The following SVIL variants were observed in gnomAD, a reference collection of about 807,000 sequenced individuals.
The protein encoded by SVIL is supervillin.
A neutral mutation model predicts 240.4 loss-of-function variants in SVIL; 101 were observed. That is an observed-to-expected ratio of 0.42 (90% CI 0.36 to 0.50). The LOEUF (loss-of-function observed/expected upper bound fraction) is 0.50, where lower values mean the gene tolerates loss of function less well. SVIL is among the 20% of genes least tolerant of loss of function. SVIL has a pLI of 0.01. For synonymous variants in SVIL, 999 were observed against 1,100.0 expected (o/e 0.91, Z 1.82); for missense variants, 2,512 against 2,818.7 (o/e 0.89, Z 2.46).
Position 29,481,608 on chromosome 10 carries a change from G to T in SVIL, c.5076C>A (p.Asn1692Lys), listed in dbSNP as rs200763094. The change falls in exon 28 of 38, where the codon AAC becomes AAA. Residue 1692 changes from asparagine (N) to lysine (K), a missense_variant. Asn to Lys is a moderately conservative substitution (Grantham distance 94, BLOSUM62 0). This residue lies in a region of SVIL where 797 missense variants were observed against 925.3 expected (regional missense o/e 0.86). Coordinates refer to ENST00000355867, the MANE Select transcript of SVIL (RefSeq NM_021738.3). ...CCTTGTGCTGGGCAAGTTCCCCGGG[G>T]TTCTTCTCATTCGATCTCTTCAGTT... ...WTELKRSNEK[N>K]PGELAQHKED... The T allele has an allele frequency of 4.3e-6, 7 of 1,614,028 alleles. No individual in the cohort carries two copies. Among genetic ancestry groups the T allele is most frequent in the Non-Finnish European group, 5.9e-6 (7 of 1,180,040 alleles).
At chr10:29,689,143 A>G (rs993852625) in intron 1 of SVIL, among the ~76,000 whole-genome samples, 1 of 152,214 alleles carries the variant, frequency 6.6e-6, no homozygotes, top group Non-Finnish European at 1.5e-5. Context: ...GAATGAGTAG[A>G]AGGGACCTTA....
intron 3 of SVIL, chr10:29,647,220 C>G (rs148210390): frequency 6.6e-6 from 1 of 152,218 alleles, no homozygotes; most frequent in Non-Finnish European, 1.5e-5. Flanking sequence ...CCAAAGCTCC[C>G]GATCTCCCAT....
chr10:29,607,561 T>A (rs1280919128), intron 1 of SVIL, among the ~76,000 whole-genome samples: 3 of 152,204 alleles, frequency 2.0e-5, no homozygotes, highest in Admixed American at 1.3e-4. Context: ...TTACATAGAT[T>A]TGACATGTTT....
intron 1 of SVIL, among the ~76,000 whole-genome samples, chr10:29,604,493 G>A (rs1302310351): frequency 6.6e-6 from 1 of 151,192 alleles, no homozygotes; most frequent in Non-Finnish European, 1.5e-5. Flanking sequence ...AAAGTGTTGG[G>A]ATTACAGGCG....
At chr10:29,713,344 C>T (rs983208836) in intron 1 of SVIL, among the ~76,000 whole-genome samples, 5 of 151,666 alleles carry the variant, frequency 3.3e-5, no homozygotes, top group Non-Finnish European at 5.9e-5. Context: ...ACATCAGAAA[C>T]GGCTGAGTGA....
Position 29,523,976 on chromosome 10 carries a change from A to T in SVIL, c.2638T>A (p.Ser880Thr). 6.2e-7 allele frequency: 1 copy of T among 1,614,224 alleles called. No homozygotes were observed. Among genetic ancestry groups the T allele is most frequent in the Non-Finnish European group, 8.5e-7 (1 of 1,180,036 alleles). The change falls in exon 15 of 38, where the codon TCT becomes ACT. Residue 880 changes from serine (S) to threonine (T), a missense_variant. Physicochemically the swap from Ser to Thr is moderately conservative, Grantham distance 58 (BLOSUM62 1). Transcript: ENST00000355867. ...PFSPAVNTSV[S>T]TVASTVAPMY... Reference sequence around the variant, plus strand: ...GGAGCAACCGTGGATGCTACGGTAGACACTGATGTGTTCACGGCAGGTGAG... The same window carrying T: ...GGAGCAACCGTGGATGCTACGGTAGTCACTGATGTGTTCACGGCAGGTGAG...
chr10:29,510,164 C>G (rs1949721990), intron 17 of SVIL, among the ~76,000 whole-genome samples: 1 of 152,184 alleles, frequency 6.6e-6, no homozygotes, highest in South Asian at 2.1e-4. Context: ...AGTGTTGGGA[C>G]TACAGGCACG....
At chr10:29,522,383 T>A (rs1950615759) in intron 16 of SVIL, 27 bp downstream of exon 16, 1 of 1,610,626 alleles carries the variant, frequency 6.2e-7, no homozygotes, top group Non-Finnish European at 8.5e-7. Context: ...CCGAGAGAAT[T>A]ACTTTTCGCT....
In SVIL at chr10:29,660,342, T is replaced by C. The variant is rs145942416; in HGVS notation, c.-300-2274A>G. 1.9e-3 allele frequency among the ~76,000 whole-genome samples: 286 copies of C among 151,822 alleles called. 1 individual carries two copies. The highest frequency in any genetic ancestry group is 0.013 in the Admixed American group (194 of 15,254). On this transcript the variant is annotated intron_variant, in intron 2 of 35. Coordinates refer to the SVIL transcript ENST00000375400. ...AAAAAATTAAAAAGGCAGGGTGGGG[T>C]GGCTCATACCTATTGTTCCAGCACT...
chr10:29,493,093 C>A, intron 21 of SVIL, 121 bp downstream of exon 21: 6 of 1,215,764 alleles, frequency 4.9e-6, no homozygotes, highest in Non-Finnish European at 6.8e-6. Flanking sequence ...ATACTAACGC[C>A]GCCGTGATGG....
In SVIL at chr10:29,642,845, G is replaced by C. The variant is rs548646372; in HGVS notation, c.-201+15124C>G. Among the ~76,000 whole-genome samples the C allele has an allele frequency of 3.9e-5, 6 of 152,192 alleles. No homozygotes were observed. The South Asian group carries it at 6.2e-4, about 16-fold the overall frequency. ...ACCTCAGGCACATACCACCATGCCT[G>C]AATAATGTTTTCGTATTTTTAGTAG... On this transcript the variant is annotated intron_variant, in intron 3 of 35. Transcript: ENST00000375400.
intron 1 of SVIL, among the ~76,000 whole-genome samples, chr10:29,720,082 C>T (rs181275293): frequency 8.9e-4 from 135 of 152,308 alleles, no homozygotes; most frequent in African/African-American, 3.1e-3. Context: ...GTGGCATGTG[C>T]CTGTAGTCCC....
Position 29,551,003 on chromosome 10 carries a change from T to C in SVIL, c.421A>G (p.Lys141Glu). 1.2e-6 allele frequency: 2 copies of C among 1,614,120 alleles called. No individual in the cohort carries two copies. The highest frequency in any genetic ancestry group is 1.7e-6 in the Non-Finnish European group (2 of 1,180,022). ...EYLSRYTKSR[K>E]EPDAVEKRGG... is the part of the protein sequence containing the mutation. Reference sequence around the variant, plus strand: ...CGCTTCTCGACAGCATCAGGCTCCTTCCTGGACTTGGTATAGCGGGATAAA... The same window carrying C: ...CGCTTCTCGACAGCATCAGGCTCCTCCCTGGACTTGGTATAGCGGGATAAA... Residue 141 changes from lysine (K) to glutamate (E), a missense_variant, in exon 6 of 38, where the codon AAG (lysine) becomes GAG (glutamate). Physicochemically the swap from Lys to Glu is moderately conservative, Grantham distance 56. This residue lies in a region of SVIL where 1,443 missense variants were observed against 1,486.6 expected (regional missense o/e 0.97). Coordinates refer to ENST00000355867, the MANE Select transcript of SVIL (RefSeq NM_021738.3).
intron 1 of SVIL, among the ~76,000 whole-genome samples, chr10:29,722,587 A>C (rs1564362445): frequency 6.6e-6 from 1 of 152,236 alleles, no homozygotes; most frequent in Non-Finnish European, 1.5e-5. Flanking sequence ...CGGCCTTTGG[A>C]AGTTGTGCAC....
At chr10:29,680,187 T>C (rs1824521447) in intron 2 of SVIL, among the ~76,000 whole-genome samples, 1 of 151,942 alleles carries the variant, frequency 6.6e-6, no homozygotes, top group African/African-American at 2.4e-5. Context: ...CCTATCTCAG[T>C]AATAATAAAA....
At chr10:29,544,307 A>T (rs549233022) in intron 6 of SVIL, among the ~76,000 whole-genome samples, 73 of 152,334 alleles carry the variant, frequency 4.8e-4, no homozygotes, top group African/African-American at 1.7e-3. Flanking sequence ...AAAACTGCTA[A>T]TGACCGTTCT....
rs750246926 is a variant in SVIL, at chr10:29,490,969, C to T, written c.4070G>A (p.Arg1357Gln). The change falls in exon 22 of 38, where the codon CGG becomes CAG. Residue 1357 changes from arginine to glutamine, a missense_variant. Arg to Gln is a conservative substitution (Grantham distance 43). This residue lies in a region of SVIL where 272 missense variants were observed against 406.8 expected (regional missense o/e 0.67). Transcript: ENST00000355867. ...EHKRAVRPKR[R>Q]VQASKNPLKM... ...CAGGGGGTTTTTGGAGGCCTGAACC[C>T]GGCGCTTGGGCCTAACTGCCCGCTT... The T allele has an allele frequency of 1.2e-5, 20 of 1,613,982 alleles. No individual in the cohort carries two copies. The East Asian group carries it at 2.7e-4, about 22-fold the overall frequency.
At chr10:29,647,533 G>T (rs562516920) in intron 3 of SVIL, among the ~76,000 whole-genome samples, 4 of 152,052 alleles carry the variant, frequency 2.6e-5, no homozygotes, top group Non-Finnish European at 5.9e-5. Context: ...ATTAAGACTT[G>T]TTCCAGTTTA....
chr10:29,471,367 C>G (rs1443567519), intron 30 of SVIL, 124 bp from the exon 31 acceptor site: 1 of 715,810 alleles, frequency 1.4e-6, no homozygotes, highest in African/African-American at 1.8e-5. Flanking sequence ...CCATTGCTAA[C>G]ACTACCACCT....
Sources: allele counts gnomAD v4.1 joint callset (sites outside exome capture counted in the v4.1 genomes callset), GRCh38; gene constraint gnomAD v4.1.1; regional missense constraint gnomAD v4.1.1; transcripts MANE v1.5; gene names NCBI Gene and HGNC (gene_info 2026-07-23, HGNC 2026-07-21).